Variants in LIMS1 observed in about 807,000 individuals in gnomAD.
LIMS1 encodes LIM and senescent cell antigen-like-containing domain protein 1.
Under a neutral mutation model 44.1 loss-of-function variants are expected in LIMS1, and 18 were observed. The observed-to-expected ratio is 0.41, with a 90% CI of 0.28 to 0.61. The LOEUF (loss-of-function observed/expected upper bound fraction) is 0.61, where lower values mean the gene tolerates loss of function less well. Among genes scored for constraint, LIMS1 ranks in the 20% least tolerant of loss-of-function variants. The pLI is 0.32. For synonymous variants in LIMS1, 93 were observed against 149.1 expected (o/e 0.62, Z 2.74); for missense variants, 201 against 422.0 (o/e 0.48, Z 4.59).
intron 6 of LIMS1, among the ~76,000 whole-genome samples, chr2:108,676,355 G>C (rs1314788598): frequency 2.6e-5 from 4 of 152,138 alleles, no homozygotes; most frequent in Non-Finnish European, 5.9e-5. Flanking sequence ...TCCTTTATAG[G>C]TGCTACTGAG....
At chr2:108,574,371 G>A (rs548891960) in intron 1 of LIMS1, among the ~76,000 whole-genome samples, 1 of 152,200 alleles carries the variant, frequency 6.6e-6, no homozygotes, top group East Asian at 1.9e-4. Context: ...CTGGTGCTTA[G>A]AGACAGCTCT....
At chr2:108,556,968 C>T (rs1306981948) in intron 1 of LIMS1, among the ~76,000 whole-genome samples, 1 of 152,228 alleles carries the variant, frequency 6.6e-6, no homozygotes, top group Non-Finnish European at 1.5e-5. Context: ...AGGGATCCCC[C>T]TGACCCCTTC....
chr2:108,624,360 A>G (rs1688438146), intron 1 of LIMS1, among the ~76,000 whole-genome samples: 1 of 152,250 alleles, frequency 6.6e-6, no homozygotes. Flanking sequence ...AAAAATTCTC[A>G]AAGTTACTTT....
At position 108,620,090 on chromosome 2, in the gene LIMS1, C is replaced by T. The variant is rs185790058; in HGVS notation, c.33-39515C>T. Among the ~76,000 whole-genome samples the T allele has an allele frequency of 2.0e-5, 3 of 152,250 alleles. No homozygotes were observed. The East Asian group carries it at 5.8e-4, about 29-fold the overall frequency. ...AAAAGTCATTTGTTTTTCCTGGGGC[C>T]GTGGACCTAGCGTAACAAATGGTAG... On this transcript the variant is annotated intron_variant, in intron 1 of 9. Coordinates refer to ENST00000544547, the Ensembl canonical transcript of LIMS1.
Position 108,671,904 on chromosome 2 carries a change from G to A in LIMS1, c.260-421G>A, listed in dbSNP as rs577631604. ...CATAAAAAGTTCTTCTACTGGCCAC[G>A]TGTGGTGGCTCACGCCTATAATCCT... is the stretch of plus-strand genomic sequence containing the variant. On this transcript the variant is annotated intron_variant, in intron 3 of 9. Coordinates refer to ENST00000544547, the Ensembl canonical transcript of LIMS1. Among the ~76,000 whole-genome samples, 34 of 152,288 alleles carry A rather than the reference G, an allele frequency of 2.2e-4. 1 individual carries two copies. The South Asian group carries it at 6.6e-3, about 30-fold the overall frequency.
chr2:108,602,073 G>A (rs1288419989), intron 1 of LIMS1, among the ~76,000 whole-genome samples: 2 of 152,090 alleles, frequency 1.3e-5, no homozygotes, highest in Non-Finnish European at 2.9e-5. Context: ...TATTGTAAAT[G>A]GGAGTACTTT....
intron 8 of LIMS1, chr2:108,678,310 CCA>C: frequency 1.9e-6 from 1 of 540,138 alleles, no homozygotes; most frequent in Non-Finnish European, 3.2e-6. Flanking sequence ...CTGTTTGTGT[CCA>C]GTTTCAGGAA....
intron 1 of LIMS1, among the ~76,000 whole-genome samples, chr2:108,553,429 T>C (rs1360081587): frequency 6.6e-6 from 1 of 152,196 alleles, no homozygotes; most frequent in East Asian, 1.9e-4. Context: ...CGGGTCATAA[T>C]AGAAGCTTTT....
intron 1 of LIMS1, among the ~76,000 whole-genome samples, chr2:108,554,868 G>A (rs185928409): frequency 1.3e-5 from 2 of 152,144 alleles, no homozygotes; most frequent in African/African-American, 4.8e-5. Context: ...TCATTATCTG[G>A]AAGCTTATTG....
At chr2:108,613,398 G>A (rs1223428769) in intron 1 of LIMS1, among the ~76,000 whole-genome samples, 2 of 152,202 alleles carry the variant, frequency 1.3e-5, no homozygotes, top group African/African-American at 2.4e-5. Flanking sequence ...AGGTCTGTTT[G>A]TTGCTATGTC....
intron 1 of LIMS1, among the ~76,000 whole-genome samples, chr2:108,601,736 C>G (rs936118183): frequency 3.9e-5 from 6 of 152,198 alleles, no homozygotes; most frequent in Non-Finnish European, 7.3e-5. Context: ...AGGCTGGTCT[C>G]GAACTCCTGA....
intron 1 of LIMS1, among the ~76,000 whole-genome samples, chr2:108,612,471 C>CT (rs1271414469): frequency 1.7e-3 from 246 of 143,408 alleles, no homozygotes; most frequent in Middle Eastern, 3.6e-3. Flanking sequence ...TAGAATCTGC[C>CT]TTTTTTTTTT....
At chr2:108,546,796 T>A (rs1475633730) in intron 1 of LIMS1, among the ~76,000 whole-genome samples, 1 of 152,182 alleles carries the variant, frequency 6.6e-6, no homozygotes, top group Non-Finnish European at 1.5e-5. Context: ...AAGTAAGTTG[T>A]TTATGGAGAC....
chr2:108,589,147 G>A (rs1397769474), intron 1 of LIMS1, among the ~76,000 whole-genome samples: 1 of 151,452 alleles, frequency 6.6e-6, no homozygotes, highest in African/African-American at 2.4e-5. Flanking sequence ...ACTAAGTAAG[G>A]AGTTACTCTT....
intron 1 of LIMS1, chr2:108,659,096 A>G (rs1691139398): frequency 1.0e-6 from 1 of 965,314 alleles, no homozygotes; most frequent in Non-Finnish European, 1.2e-6. Context: ...TTTTAAGGCT[A>G]CTTAAGCAGT....
At chr2:108,603,973 A>G (rs1294808509) in intron 1 of LIMS1, among the ~76,000 whole-genome samples, 1 of 152,138 alleles carries the variant, frequency 6.6e-6, no homozygotes, top group Non-Finnish European at 1.5e-5. Context: ...ATTTAGAGCT[A>G]TAAACCTCCC....
At chr2:108,668,520 T>C (rs1429338919) in intron 2 of LIMS1, among the ~76,000 whole-genome samples, 2 of 152,244 alleles carry the variant, frequency 1.3e-5, no homozygotes, top group African/African-American at 4.8e-5. Context: ...GGTTCATCCA[T>C]GTCGCCACAG....
chr2:108,545,952 T>C (rs1684467222), intron 1 of LIMS1, among the ~76,000 whole-genome samples: 1 of 152,232 alleles, frequency 6.6e-6, no homozygotes, highest in Non-Finnish European at 1.5e-5. Context: ...TCCTAGCTGC[T>C]GTACTTCTAA....
chr2:108,549,360 T>TA (rs1363267339), intron 1 of LIMS1, among the ~76,000 whole-genome samples: 1 of 134,044 alleles, frequency 7.5e-6, no homozygotes, highest in East Asian at 2.6e-4. Context: ...AGTGGCATGA[T>TA]CTCGGCTCAC....
Sources: allele counts gnomAD v4.1 joint callset (sites outside exome capture counted in the v4.1 genomes callset), GRCh38; gene constraint gnomAD v4.1.1; transcripts MANE v1.5; gene names NCBI Gene and HGNC (gene_info 2026-07-23, HGNC 2026-07-21).